Variants in ZFHX3 observed in about 807,000 individuals in gnomAD.
The protein encoded by ZFHX3 is zinc finger homeobox 3, also known as zinc finger homeobox protein 3.
ZFHX3 carries 42 observed loss-of-function variants against 279.1 expected under a neutral mutation model. The observed-to-expected ratio is 0.15, with a 90% CI of 0.12 to 0.19. The LOEUF (loss-of-function observed/expected upper bound fraction) is 0.19, where lower values mean the gene tolerates loss of function less well. Among genes scored for constraint, ZFHX3 ranks in the 10% least tolerant of loss-of-function variants. ZFHX3 has a pLI of 1.00. For synonymous variants in ZFHX3, 2,293 were observed against 1,957.8 expected, an observed-to-expected ratio of 1.17 and a Z score of -4.52; for missense variants, 4,981 against 4,754.0, an observed-to-expected ratio of 1.05 and a Z score of -1.40.
chr16:72,875,573 A>G (rs1369476176), intron 4 of ZFHX3, among the ~76,000 whole-genome samples: 1 of 152,244 alleles, frequency 6.6e-6, no homozygotes, highest in African/African-American at 2.4e-5. Flanking sequence ...TTTCACTAGA[A>G]GAGCTGCTTC....
At chr16:73,759,706 C>T (rs1341837662) in intron 1 of ZFHX3, among the ~76,000 whole-genome samples, 1 of 152,050 alleles carries the variant, frequency 6.6e-6, no homozygotes, top group Non-Finnish European at 1.5e-5. Context: ...TCTCATAAAC[C>T]CTTAAACTGG....
chr16:72,842,994 GTT>G (rs2037380972), intron 4 of ZFHX3, among the ~76,000 whole-genome samples: 1 of 152,182 alleles, frequency 6.6e-6, no homozygotes, highest in African/African-American at 2.4e-5. Context: ...TTTCTTAGGT[GTT>G]TTAGAAAATA....
chr16:73,762,995 T>G (rs999780612), intron 1 of ZFHX3, among the ~76,000 whole-genome samples: 2 of 151,990 alleles, frequency 1.3e-5, no homozygotes, highest in Non-Finnish European at 2.9e-5. Context: ...ATTAATAAAA[T>G]TTTTTTTAAA....
intron 3 of ZFHX3, among the ~76,000 whole-genome samples, chr16:72,897,770 AC>A (rs1192911136): frequency 6.6e-6 from 1 of 151,986 alleles, no homozygotes; most frequent in Non-Finnish European, 1.5e-5. Flanking sequence ...TCACATTACA[AC>A]CCCATGAGGT....
At chr16:73,693,031 C>T (rs983411040) in intron 1 of ZFHX3, among the ~76,000 whole-genome samples, 4 of 152,142 alleles carry the variant, frequency 2.6e-5, no homozygotes, top group South Asian at 4.1e-4. Flanking sequence ...CAAGAAATTA[C>T]GAAAAACTTG....
intron 2 of ZFHX3, among the ~76,000 whole-genome samples, chr16:73,653,913 G>A (rs956618649): frequency 5.9e-5 from 9 of 152,148 alleles, no homozygotes; most frequent in African/African-American, 1.4e-4. Flanking sequence ...GGCCGGGCAC[G>A]GTGGCTCACG....
chr16:73,750,406 G>A (rs912618026), intron 1 of ZFHX3, among the ~76,000 whole-genome samples: 1 of 152,126 alleles, frequency 6.6e-6, no homozygotes, highest in Non-Finnish European at 1.5e-5. Flanking sequence ...CATGATAATC[G>A]CATTTGCAGA....
chr16:73,105,176 TG>T (rs1032265233), intron 7 of ZFHX3, among the ~76,000 whole-genome samples: 12 of 143,112 alleles, frequency 8.4e-5, no homozygotes, highest in African/African-American at 2.6e-4. Flanking sequence ...GAGGCCAAAG[TG>T]GGAGGACGGC....
chr16:73,758,622 G>A (rs16972506), intron 1 of ZFHX3, among the ~76,000 whole-genome samples: 2,374 of 152,284 alleles, frequency 0.016, 76 homozygotes, highest in African/African-American at 0.054. Context: ...GCTAGGGGAA[G>A]GATAAGTGGC....
chr16:73,130,254 GA>G (rs532646778), intron 7 of ZFHX3, among the ~76,000 whole-genome samples: 156 of 145,742 alleles, frequency 1.1e-3, no homozygotes, highest in Middle Eastern at 7.1e-3. Context: ...TTGGTGGAGG[GA>G]AAAAAAAAAA....
intron 1 of ZFHX3, among the ~76,000 whole-genome samples, chr16:73,856,357 G>T (rs534572527): frequency 1.3e-5 from 2 of 152,226 alleles, no homozygotes; most frequent in East Asian, 3.9e-4. Flanking sequence ...GAAAAACAAG[G>T]TTGGACGCAG....
At chr16:73,255,494 G>A (rs1356997964) in intron 5 of ZFHX3, among the ~76,000 whole-genome samples, 1 of 152,154 alleles carries the variant, frequency 6.6e-6, no homozygotes, top group Non-Finnish European at 1.5e-5. Context: ...TGTGATTTGG[G>A]AGAAGAGTTT....
rs1280568501 is a variant in ZFHX3, at chr16:73,393,983, C to A, written c.-1291+62020G>T. ...TATAAAGTATATATATCATATATAT[C>A]ATATATGTGATATATGTATACATAT... On this transcript the variant is annotated intron_variant, in intron 3 of 17. Transcript: ENST00000641206. Among the ~76,000 whole-genome samples, 5 of 145,998 alleles carry A rather than the reference C, an allele frequency of 3.4e-5. No homozygotes were observed. The East Asian group carries it at 5.9e-4, about 17-fold the overall frequency.
rs139371123 is a variant in ZFHX3, at chr16:72,959,315, C to T, written c.831G>A (p.Lys277=). The T allele has an allele frequency of 1.9e-6, 3 of 1,614,132 alleles. No homozygotes were observed. The highest frequency in any genetic ancestry group is 1.6e-4 in the Middle Eastern group (1 of 6,084). ...SKFDGFVLYG[K]RKPILMCFLC... ...AGAAACACATCAGGATGGGCTTCCTCTTGCCATAGAGCACAAAGCCATCGA... is the reference window on the plus strand; with the variant it reads ...AGAAACACATCAGGATGGGCTTCCTTTTGCCATAGAGCACAAAGCCATCGA... The change falls in exon 2 of 10, where the codon AAG becomes AAA. Residue 277 remains lysine (K), a synonymous_variant. Coordinates refer to ENST00000268489, the MANE Select transcript of ZFHX3 (RefSeq NM_006885.4).
chr16:72,859,001 A>C (rs1285257124), intron 4 of ZFHX3, among the ~76,000 whole-genome samples: 2 of 152,252 alleles, frequency 1.3e-5, no homozygotes, highest in African/African-American at 2.4e-5. Context: ...GCTGACAGCC[A>C]GGCCGGACTG....
intron 2 of ZFHX3, among the ~76,000 whole-genome samples, chr16:73,661,670 T>G (rs1362206558): frequency 6.7e-6 from 1 of 148,186 alleles, no homozygotes; most frequent in African/African-American, 2.5e-5. Flanking sequence ...TGCAGTGAGT[T>G]GAGATCCTGC....
chr16:72,902,418 C>G (rs1274224484), intron 3 of ZFHX3, among the ~76,000 whole-genome samples: 4 of 152,294 alleles, frequency 2.6e-5, no homozygotes, highest in Middle Eastern at 3.4e-3. Flanking sequence ...CCAGCTTGCG[C>G]CTGGGTTTGG....
At chr16:73,352,951 C>G (rs2016274763) in intron 3 of ZFHX3, among the ~76,000 whole-genome samples, 1 of 152,114 alleles carries the variant, frequency 6.6e-6, no homozygotes, top group African/African-American at 2.4e-5. Context: ...GTGTGCCTGA[C>G]CAGAAGCCTC....
intron 5 of ZFHX3, among the ~76,000 whole-genome samples, chr16:73,248,711 T>C (rs1722197770): frequency 6.6e-6 from 1 of 151,952 alleles, no homozygotes; most frequent in South Asian, 2.1e-4. Flanking sequence ...ATACTGGATG[T>C]CTCCCCTATG....
Sources: gnomAD v4.1 joint callset for allele counts (sites outside exome capture counted in the v4.1 genomes callset) on GRCh38, gnomAD v4.1.1 for gene constraint, MANE v1.5 for transcripts, NCBI Gene and HGNC (gene_info 2026-07-23, HGNC 2026-07-21) for gene names.